DOCK4: variants seen among roughly 807,000 people sequenced by gnomAD.
DOCK4 encodes the protein dedicator of cytokinesis 4, also known as dedicator of cytokinesis protein 4.
In DOCK4, 97 loss-of-function variants were observed where a neutral mutation model predicts 268.1. The ratio of observed to expected loss-of-function variants is 0.36; its 90% CI spans 0.31 to 0.43. The LOEUF (loss-of-function observed/expected upper bound fraction) is 0.43. Among genes scored for constraint, DOCK4 ranks in the 20% least tolerant of loss-of-function variants. The pLI is 1.00. For synonymous variants in DOCK4, 954 were observed against 887.2 expected (o/e 1.08, Z -1.34); for missense variants, 2,145 against 2,455.7 (o/e 0.87, Z 2.67).
intron 25 of DOCK4, chr7:111,840,718 T>A: frequency 9.7e-7 from 1 of 1,032,690 alleles, no homozygotes; most frequent in African/African-American, 1.7e-5. Context: ...TACAGAGCAC[T>A]GGAAGAATTC....
intron 1 of DOCK4, among the ~76,000 whole-genome samples, chr7:112,096,797 AT>A (rs1427667344): frequency 1.3e-5 from 2 of 152,310 alleles, no homozygotes; most frequent in East Asian, 3.9e-4. Context: ...ACGATAAGGA[AT>A]GTCACAAGCC....
At chr7:112,127,725 G>C (rs573019205) in intron 1 of DOCK4, among the ~76,000 whole-genome samples, 37 of 152,256 alleles carry the variant, frequency 2.4e-4, no homozygotes, top group African/African-American at 7.9e-4. Context: ...GAGTATGTGT[G>C]CTTTGTAAAG....
At chr7:112,027,476 C>T (rs771280510) in intron 1 of DOCK4, among the ~76,000 whole-genome samples, 3 of 152,294 alleles carry the variant, frequency 2.0e-5, no homozygotes, top group Admixed American at 6.5e-5. Flanking sequence ...CCACCTGCCT[C>T]GGCCTCCCAA....
intron 1 of DOCK4, among the ~76,000 whole-genome samples, chr7:112,150,266 A>G (rs1450395828): frequency 1.3e-5 from 2 of 152,130 alleles, no homozygotes; most frequent in African/African-American, 2.4e-5. Context: ...TGGTAAATGT[A>G]TACTGTCTTA....
intron 30 of DOCK4, among the ~76,000 whole-genome samples, chr7:111,792,932 G>A (rs1799653878): frequency 1.3e-5 from 2 of 152,134 alleles, no homozygotes; most frequent in African/African-American, 4.8e-5. Flanking sequence ...TCATATCTTG[G>A]CACAGAAAGT....
At position 111,989,155 on chromosome 7, in the gene DOCK4, T is replaced by C; in HGVS notation, c.324A>G (p.Glu108=). 1 of 1,613,980 alleles carries C rather than the reference T, an allele frequency of 6.2e-7. No individual in the cohort carries two copies. Among genetic ancestry groups the C allele is most frequent in the Non-Finnish European group, 8.5e-7 (1 of 1,179,882 alleles). ...TMWKQLYVRN[E]GDLFHRLWHI... ...GCCACAGCCGGTGGAAGAGATCGCC[T>C]TCATTACGCTAAGAAATATACAAAT... Residue 108 remains glutamate, a synonymous_variant, in exon 6 of 53, where the codon GAA becomes GAG. Transcript: ENST00000428084.
intron 51 of DOCK4, among the ~76,000 whole-genome samples, chr7:111,733,750 A>G (rs1410247788): frequency 6.6e-6 from 1 of 152,194 alleles, no homozygotes; most frequent in East Asian, 1.9e-4. Flanking sequence ...ATATATGTAC[A>G]TCGTGAATGA....
chr7:112,018,143 C>CAAAAAAAAAAAAAAAAAAAAAAAA lies in DOCK4; in HGVS notation c.38-14036_38-14013dup, dbSNP rs140883588. Among the ~76,000 whole-genome samples the CAAAAAAAAAAAAAAAAAAAAAAAA allele has an allele frequency of 1.9e-4, 4 of 20,640 alleles. 2 individuals are homozygous for CAAAAAAAAAAAAAAAAAAAAAAAA. The highest frequency in any genetic ancestry group is 3.8e-4 in the African/African-American group (2 of 5,282). 13.5% of individuals were successfully genotyped at this position (20,640 alleles called of 152,430 possible). On this transcript the variant is annotated intron_variant, in intron 1 of 52. Transcript: ENST00000428084. The stretch of plus-strand genomic sequence containing the variant: ...TGGGCAACACAGCAAGACTCCAGCT[C>CAAAAAAAAAAAAAAAAAAAAAAAA]AAAAAAAAAAAAAAAAAAAAAAAAA...
chr7:111,753,375 T>C (rs1049227673), intron 42 of DOCK4, among the ~76,000 whole-genome samples: 3 of 152,026 alleles, frequency 2.0e-5, no homozygotes, highest in African/African-American at 7.2e-5. Context: ...CTTGGGAGGC[T>C]GAGGTGGGAG....
chr7:112,106,548 A>G (rs1811161610), intron 1 of DOCK4, among the ~76,000 whole-genome samples: 1 of 152,224 alleles, frequency 6.6e-6, no homozygotes. Context: ...GAAATGCTTT[A>G]AGCCTCATAT....
At chr7:111,802,540 T>G (rs1414103704) in intron 30 of DOCK4, among the ~76,000 whole-genome samples, 2 of 152,202 alleles carry the variant, frequency 1.3e-5, no homozygotes, top group Non-Finnish European at 2.9e-5. Flanking sequence ...GCCGGAATAG[T>G]TCTCCCATGC....
chr7:112,200,618 A>C (rs192678618), intron 1 of DOCK4, among the ~76,000 whole-genome samples: 71 of 151,186 alleles, frequency 4.7e-4, no homozygotes, highest in African/African-American at 1.7e-3. Flanking sequence ...ATAACTCAGA[A>C]AATGTTGTCT....
At chr7:111,908,461 A>ATAATAATAATAATAAT (rs1554366844) in intron 13 of DOCK4, among the ~76,000 whole-genome samples, 1 of 150,148 alleles carries the variant, frequency 6.7e-6, no homozygotes, top group African/African-American at 2.5e-5. Context: ...AAAATAAATA[A>ATAATAATAATAATAAT]AATAATAATA....
At chr7:112,075,055 G>A (rs1807939495) in intron 1 of DOCK4, among the ~76,000 whole-genome samples, 1 of 152,120 alleles carries the variant, frequency 6.6e-6, no homozygotes, top group Non-Finnish European at 1.5e-5. Flanking sequence ...CTCTGTTCAA[G>A]TAACTGTTGT....
intron 25 of DOCK4, among the ~76,000 whole-genome samples, chr7:111,842,423 C>T (rs1431602772): frequency 6.6e-6 from 1 of 152,242 alleles, no homozygotes; most frequent in Non-Finnish European, 1.5e-5. Flanking sequence ...ATGCTTTTAG[C>T]CGCAGTTGCT....
intron 1 of DOCK4, among the ~76,000 whole-genome samples, chr7:112,161,041 T>A (rs1817071797): frequency 6.6e-6 from 1 of 152,200 alleles, no homozygotes; most frequent in African/African-American, 2.4e-5. Flanking sequence ...TAGGCTTTAA[T>A]AATTAAGTTA....
At chr7:111,768,769 T>C (rs2133665940) in intron 37 of DOCK4, among the ~76,000 whole-genome samples, 1 of 152,318 alleles carries the variant, frequency 6.6e-6, no homozygotes, top group South Asian at 2.1e-4. Context: ...TACCTTAAAG[T>C]ATAATGGAGC....
intron 7 of DOCK4, among the ~76,000 whole-genome samples, chr7:111,979,705 A>C (rs1185445208): frequency 6.6e-6 from 1 of 152,216 alleles, no homozygotes; most frequent in Non-Finnish European, 1.5e-5. Flanking sequence ...AATAGATGTA[A>C]AAACCTCATG....
At chr7:111,737,394 G>C (rs971661287) in intron 49 of DOCK4, among the ~76,000 whole-genome samples, 1 of 152,002 alleles carries the variant, frequency 6.6e-6, no homozygotes, top group Admixed American at 6.6e-5. Context: ...ATCCCAAAGC[G>C]CTGGGATTAC....
Sources: gnomAD v4.1 joint callset for allele counts (sites outside exome capture counted in the v4.1 genomes callset) on GRCh38, gnomAD v4.1.1 for gene constraint, MANE v1.5 for transcripts, NCBI Gene and HGNC (gene_info 2026-07-23, HGNC 2026-07-21) for gene names.